Variants in CATSPERD observed in about 807,000 individuals in gnomAD.
The protein encoded by CATSPERD is catsper channel auxiliary subunit delta, also known as cation channel sperm-associated auxiliary subunit delta.
Under a neutral mutation model 98.1 loss-of-function variants are expected in CATSPERD, and 86 were observed. That is an observed-to-expected ratio of 0.88 (90% CI 0.74 to 1.05). The LOEUF (loss-of-function observed/expected upper bound fraction) is 1.05. CATSPERD is among the 50% of genes least tolerant of loss of function. CATSPERD has a pLI of 0.00. For synonymous variants in CATSPERD, 394 were observed against 390.2 expected (o/e 1.01, Z -0.12); for missense variants, 995 against 1,005.7 (o/e 0.99, Z 0.14).
intron 11 of CATSPERD, among the ~76,000 whole-genome samples, chr19:5,751,427 G>A (rs1481242468): frequency 1.4e-5 from 2 of 141,052 alleles, no homozygotes; most frequent in Admixed American, 7.4e-5. Flanking sequence ...CCAGCTACTC[G>A]GGAGGCTGAG....
At chr19:5,750,394 T>C in intron 11 of CATSPERD, among the ~76,000 whole-genome samples, 1 of 126,332 alleles carries the variant, frequency 7.9e-6, no homozygotes, top group Non-Finnish European at 1.5e-5. Context: ...GAGCTTGCAG[T>C]GAGCAGAGAT....
At chr19:5,775,636 G>A (rs1475998071) in intron 20 of CATSPERD, among the ~76,000 whole-genome samples, 9 of 97,530 alleles carry the variant, frequency 9.2e-5, no homozygotes, top group African/African-American at 2.4e-4. Flanking sequence ...GCAACAGAGT[G>A]AAACCCCATC....
intron 8 of CATSPERD, among the ~76,000 whole-genome samples, chr19:5,745,315 C>G (rs1345688324): frequency 6.6e-6 from 1 of 151,976 alleles, no homozygotes; most frequent in Non-Finnish European, 1.5e-5. Flanking sequence ...TTACATTTTT[C>G]TGTACTACAT....
intron 21 of CATSPERD, among the ~76,000 whole-genome samples, chr19:5,777,162 T>A (rs2056753730): frequency 6.6e-6 from 1 of 151,976 alleles, no homozygotes. Context: ...TCATTGTCAC[T>A]TATCACCTGT....
chr19:5,727,206 AT>A, intron 2 of CATSPERD, 61 bp from the exon 3 acceptor site: 1 of 1,348,578 alleles, frequency 7.4e-7, no homozygotes, highest in Non-Finnish European at 1.1e-6. Context: ...AAAAAAAAAA[AT>A]TATTTCTATC....
At position 5,750,295 on chromosome 19, in the gene CATSPERD, CG is replaced by C. The variant is rs1357726832; in HGVS notation, c.987+1113del. 4.1e-5 allele frequency among the ~76,000 whole-genome samples: 6 copies of C among 146,098 alleles called. No homozygotes were observed. The East Asian group carries it at 1.0e-3, about 25-fold the overall frequency. On this transcript the variant is annotated intron_variant, in intron 11 of 21. Transcript: ENST00000381624. Reference sequence around the variant, plus strand: ...AACCCCGTCTCTACTAAAAAAAATACGAAAAAATTAGCCGGGCGTGGTGGCG... The same window carrying C: ...AACCCCGTCTCTACTAAAAAAAATACAAAAAATTAGCCGGGCGTGGTGGCG...
intron 7 of CATSPERD, among the ~76,000 whole-genome samples, chr19:5,741,190 C>G (rs1377541162): frequency 6.6e-6 from 1 of 152,174 alleles, no homozygotes; most frequent in East Asian, 1.9e-4. Context: ...TCAGGTTCAT[C>G]ATCATGCTCA....
chr19:5,746,805 G>C (rs1031332764), intron 9 of CATSPERD, among the ~76,000 whole-genome samples: 3 of 79,646 alleles, frequency 3.8e-5, no homozygotes, highest in African/African-American at 1.3e-4. Context: ...TAAAGTTCCT[G>C]TTTTTCTTTT....
At chr19:5,760,325 G>A (rs2056410207) in intron 15 of CATSPERD, among the ~76,000 whole-genome samples, 1 of 151,688 alleles carries the variant, frequency 6.6e-6, no homozygotes, top group Non-Finnish European at 1.5e-5. Context: ...CTTGAACCCG[G>A]GAGGCAGAGG....
chr19:5,739,825 C>G (rs1338027353), intron 7 of CATSPERD, among the ~76,000 whole-genome samples: 5 of 105,390 alleles, frequency 4.7e-5, no homozygotes, highest in African/African-American at 2.0e-4. Flanking sequence ...AGTGACAGAG[C>G]GAGACCTCAT....
In CATSPERD at chr19:5,748,216, A is replaced by G. The variant is rs1207514869; in HGVS notation, c.865A>G (p.Ile289Val). Residue 289 changes from isoleucine (I) to valine (V), a missense_variant, in exon 10 of 22, where the codon ATT becomes GTT. By Grantham distance (29) the Ile-to-Val change is conservative. Coordinates refer to ENST00000381624, the MANE Select transcript of CATSPERD (RefSeq NM_152784.4). The part of the protein sequence containing the change: ...KKGDQTLFSS[I>V]FEAKITIHNI... ...AGGAGACCAGACCTTGTTTTCTTCCATTTTTGAAGCCAAGATCACCATCCA... is the reference window on the plus strand; with the variant it reads ...AGGAGACCAGACCTTGTTTTCTTCCGTTTTTGAAGCCAAGATCACCATCCA... 6.2e-7 allele frequency: 1 copy of G among 1,613,946 alleles called. No individual in the cohort carries two copies. The highest frequency in any genetic ancestry group is 8.5e-7 in the Non-Finnish European group (1 of 1,180,018).
chr19:5,769,194 G>C (rs2056600841), intron 18 of CATSPERD, among the ~76,000 whole-genome samples: 1 of 150,902 alleles, frequency 6.6e-6, no homozygotes, highest in Non-Finnish European at 1.5e-5. Flanking sequence ...AGGAGGCTGG[G>C]TGCAGTGGCT....
At chr19:5,728,318 A>G (rs1599508526) in intron 3 of CATSPERD, among the ~76,000 whole-genome samples, 1 of 143,120 alleles carries the variant, frequency 7.0e-6, no homozygotes. Flanking sequence ...AGATCGCACC[A>G]CTGCACTCCA....
chr19:5,758,923 C>CAAAA (rs1002375684), intron 14 of CATSPERD, among the ~76,000 whole-genome samples, 163 bp from the exon 15 acceptor site: 5 of 39,494 alleles, frequency 1.3e-4, no homozygotes, highest in Admixed American at 2.7e-4. Flanking sequence ...GACTCCATCT[C>CAAAA]AAAAAAAAAA....
intron 9 of CATSPERD, among the ~76,000 whole-genome samples, chr19:5,746,745 T>C (rs2056102435): frequency 6.6e-6 from 1 of 152,020 alleles, no homozygotes; most frequent in African/African-American, 2.4e-5. Flanking sequence ...TTCTTTAACA[T>C]GTGGGAAGGC....
At position 5,722,289 on chromosome 19, in the gene CATSPERD, T is replaced by C. The variant is rs191928138; in HGVS notation, c.71+1481T>C. 7.2e-5 allele frequency among the ~76,000 whole-genome samples: 11 copies of C among 152,208 alleles called. No homozygotes were observed. In the East Asian group the frequency reaches 1.4e-3, roughly 19 times the overall value. On this transcript the variant is annotated intron_variant, in intron 1 of 21. Coordinates refer to ENST00000381624, the MANE Select transcript of CATSPERD (RefSeq NM_152784.4). The stretch of plus-strand genomic sequence containing the variant: ...GGCGCCTGCCACCACGTGCAGCTAA[T>C]TTTTTGTGTTTTTAGTAGAGACAGG...
chr19:5,733,685 G>C (rs1438551450), intron 4 of CATSPERD, among the ~76,000 whole-genome samples, 171 bp from the exon 5 acceptor site: 2 of 151,732 alleles, frequency 1.3e-5, no homozygotes, highest in African/African-American at 4.8e-5. Context: ...TCAAACTCCT[G>C]ACCTCGGTGA....
intron 9 of CATSPERD, among the ~76,000 whole-genome samples, chr19:5,746,859 C>T (rs1599546705): frequency 6.6e-6 from 1 of 151,552 alleles, no homozygotes; most frequent in East Asian, 1.9e-4. Flanking sequence ...GGAAGCTGTG[C>T]CGAGTCCTGA....
intron 20 of CATSPERD, among the ~76,000 whole-genome samples, chr19:5,774,832 C>T: frequency 6.6e-6 from 1 of 152,126 alleles, no homozygotes; most frequent in East Asian, 1.9e-4. Flanking sequence ...GCCTGACCAA[C>T]ATGGTGAAAC....
Sources: allele counts gnomAD v4.1 joint callset (sites outside exome capture counted in the v4.1 genomes callset), GRCh38; gene constraint gnomAD v4.1.1; transcripts MANE v1.5; gene names NCBI Gene and HGNC (gene_info 2026-07-23, HGNC 2026-07-21).